Variants in URB1 observed in about 807,000 individuals in gnomAD.
URB1 encodes the protein URB1 ribosome biogenesis factor.
Under a neutral mutation model 242.3 loss-of-function variants are expected in URB1, and 197 were observed. That is an observed-to-expected ratio of 0.81 (90% CI 0.72 to 0.91). The LOEUF (loss-of-function observed/expected upper bound fraction) is 0.91. Ranked by LOEUF, URB1 falls within the 40% of genes least tolerant of loss-of-function variation. The pLI is 0.00. For synonymous variants in URB1, 1,153 were observed against 1,201.8 expected, an observed-to-expected ratio of 0.96 and a Z score of 0.84; for missense variants, 2,721 against 2,860.5, an observed-to-expected ratio of 0.95 and a Z score of 1.11.
Position 32,320,593 on chromosome 21 carries a change from A to G in URB1, c.5532T>C (p.Ser1844=). The change falls in exon 35 of 39, where the codon TCT becomes TCC. Residue 1844 remains serine, a synonymous_variant. Transcript: ENST00000382751. ...TATAGTCTCGTATGATTTCATACGC[A>G]GATCTGGCAACCTGGGCAGCATTCT... is the stretch of plus-strand genomic sequence containing the variant. The part of the protein sequence containing the change: ...ILQNAAQVAR[S]AYEIIRDYSL... 1 of 1,551,946 alleles carries G rather than the reference A, an allele frequency of 6.4e-7. No individual in the cohort carries two copies. The highest frequency in any genetic ancestry group is 8.7e-7 in the Non-Finnish European group (1 of 1,147,050).
intron 1 of URB1, among the ~76,000 whole-genome samples, chr21:32,387,018 A>T (rs948750886): frequency 6.6e-6 from 1 of 152,166 alleles, no homozygotes; most frequent in African/African-American, 2.4e-5. Flanking sequence ...TCAGTATGCC[A>T]AGCATCAGTT....
At chr21:32,346,034 C>G (rs944031527) in intron 22 of URB1, among the ~76,000 whole-genome samples, 6 of 152,118 alleles carry the variant, frequency 3.9e-5, no homozygotes, top group South Asian at 4.2e-4. Context: ...GAGGCAGGTC[C>G]CTCATGAATG....
At position 32,337,170 on chromosome 21, in the gene URB1, G is replaced by A. The variant is rs774815943; in HGVS notation, c.4622-13C>T. On this transcript the variant is annotated splice_polypyrimidine_tract_variant and intron_variant, in intron 27 of 38. Coordinates refer to ENST00000382751, the MANE Select transcript of URB1 (RefSeq NM_014825.3). ...AAAATCTTCTGATCTACAAGTCAAA[G>A]CAGGATCGGTTTAGGAAGATGAACC... 6.4e-7 allele frequency: 1 copy of A among 1,551,738 alleles called. No individual in the cohort carries two copies. The highest frequency in any genetic ancestry group is 1.2e-5 in the South Asian group (1 of 84,060).
At chr21:32,327,320 C>G (rs1278189437) in intron 30 of URB1, among the ~76,000 whole-genome samples, 1 of 152,076 alleles carries the variant, frequency 6.6e-6, no homozygotes, top group East Asian at 1.9e-4. Context: ...ACCAGAGGAG[C>G]AACTTCTTTA....
intron 30 of URB1, 29 bp from the exon 31 acceptor site, chr21:32,325,418 A>G: frequency 6.5e-7 from 1 of 1,536,676 alleles, no homozygotes; most frequent in Non-Finnish European, 8.8e-7. Flanking sequence ...AGCATGAAAC[A>G]CACACAATAT....
At chr21:32,351,322 A>T (rs895445959) in intron 19 of URB1, among the ~76,000 whole-genome samples, 7 of 152,200 alleles carry the variant, frequency 4.6e-5, no homozygotes. Context: ...GACCTTCCCC[A>T]GGAGCTGCGG....
chr21:32,333,405 C>T lies in URB1; in HGVS notation c.4872G>A (p.Leu1624=), dbSNP rs1332060833. ...CCACCCTGCTTTTGTCTTTGAATATCAGCTCCTGTGTGTCCTGAAAGAGCC... is the reference window on the plus strand; with the variant it reads ...CCACCCTGCTTTTGTCTTTGAATATTAGCTCCTGTGTGTCCTGAAAGAGCC... ...RLLPPEDTQE[L]IFKDKSRVDL... is the part of the protein sequence containing the mutation. Residue 1624 remains leucine (L), a synonymous_variant, in exon 30 of 39, where the codon CTG becomes CTA. Coordinates refer to ENST00000382751, the MANE Select transcript of URB1 (RefSeq NM_014825.3). 6.4e-7 allele frequency: 1 copy of T among 1,551,616 alleles called. No homozygotes were observed. Among genetic ancestry groups the T allele is most frequent in the Non-Finnish European group, 8.7e-7 (1 of 1,146,952 alleles).
chr21:32,333,442 A>C (rs2032919127), intron 29 of URB1, 23 bp from the exon 30 acceptor site: 1 of 1,531,264 alleles, frequency 6.5e-7, no homozygotes, highest in South Asian at 1.2e-5. Context: ...AAATCAACAA[A>C]AACGTGTGAT....
intron 32 of URB1, among the ~76,000 whole-genome samples, chr21:32,323,461 G>C (rs1365003031): frequency 6.6e-6 from 1 of 152,190 alleles, no homozygotes; most frequent in Non-Finnish European, 1.5e-5. Context: ...CTAACTTCTA[G>C]TCACACTATC....
rs77476779 is a variant in URB1, at chr21:32,354,230, C to A, written c.2246-127G>T. ...AAAGCCAAATTCCTCTTGGGGGGAG[C>A]ATTTAACATAGTTTGACCCTAAACA... On this transcript the variant is annotated intron_variant, in intron 17 of 38. Coordinates refer to ENST00000382751, the MANE Select transcript of URB1 (RefSeq NM_014825.3). 3 of 1,049,614 alleles carry A rather than the reference C, an allele frequency of 2.9e-6. 1 individual carries two copies. The highest frequency in any genetic ancestry group is 1.4e-6 in the Non-Finnish European group (1 of 736,548). The allele number at this position is 1,049,614 out of a possible 1,614,324, so 65.0% of individuals were successfully genotyped here.
chr21:32,329,277 T>C (rs1376357153), intron 30 of URB1, among the ~76,000 whole-genome samples: 1 of 152,008 alleles, frequency 6.6e-6, no homozygotes, highest in Non-Finnish European at 1.5e-5. Context: ...TAAAAAAAAA[T>C]GTGCCCCAGT....
At chr21:32,350,987 G>C (rs1258304879) in intron 19 of URB1, 65 bp from the exon 20 acceptor site, 1 of 1,467,850 alleles carries the variant, frequency 6.8e-7, no homozygotes, top group African/African-American at 1.4e-5. Context: ...AACGGTCATA[G>C]GCACAGGTAA....
intron 38 of URB1, among the ~76,000 whole-genome samples, 199 bp downstream of exon 38, chr21:32,316,267 G>A (rs2032683286): frequency 2.0e-5 from 3 of 152,212 alleles, no homozygotes; most frequent in Non-Finnish European, 4.4e-5. Flanking sequence ...CAAAGGCAAA[G>A]ACTTCCTTCC....
Position 32,368,455 on chromosome 21 carries a change from A to G in URB1, c.1145T>C (p.Phe382Ser), listed in dbSNP as rs1384020146. The change falls in exon 9 of 39, where the codon TTT becomes TCT. Residue 382 changes from phenylalanine to serine, a missense_variant. Coordinates refer to ENST00000382751, the MANE Select transcript of URB1 (RefSeq NM_014825.3). ...NKYFKEVTFSFIPRAKSTWLN... is the reference protein window; with the variant it reads ...NKYFKEVTFSSIPRAKSTWLN... ...CCAAGTAGACTTCGCTCGTGGGATA[A>G]AGGAAAACGTTACTTCCTTGAAGTA... is the stretch of plus-strand genomic sequence containing the variant. The G allele has an allele frequency of 1.9e-6, 3 of 1,551,134 alleles. No homozygotes were observed. The highest frequency in any genetic ancestry group is 2.6e-6 in the Non-Finnish European group (3 of 1,146,842).
chr21:32,372,669 G>A, intron 7 of URB1, 38 bp from the exon 8 acceptor site: 1 of 1,534,712 alleles, frequency 6.5e-7, no homozygotes, highest in Non-Finnish European at 8.8e-7. Context: ...AAAATCCCAA[G>A]CTCATACACT....
At chr21:32,377,002 G>C (rs1039489048) in intron 5 of URB1, among the ~76,000 whole-genome samples, 13 of 152,090 alleles carry the variant, frequency 8.5e-5, no homozygotes, top group African/African-American at 3.1e-4. Context: ...CTTATGACCA[G>C]TCCCCAATTT....
chr21:32,349,751 C>T (rs1462425650), intron 20 of URB1, among the ~76,000 whole-genome samples: 2 of 152,190 alleles, frequency 1.3e-5, no homozygotes, highest in Non-Finnish European at 2.9e-5. Context: ...TCCCTTGAAC[C>T]ACATCAGGAA....
In URB1 at chr21:32,319,088, A is replaced by G. The variant is rs1229883484; in HGVS notation, c.5792+129T>C. 5 of 872,176 alleles carry G rather than the reference A, an allele frequency of 5.7e-6. No homozygotes were observed. The South Asian group carries it at 5.9e-5, about 10-fold the overall frequency. 54.0% of individuals were successfully genotyped at this position (872,176 alleles called of 1,614,324 possible). A position where few individuals can be genotyped will look rare whatever the true frequency, so the allele number is the denominator to read the frequency against. ...CACCTGACACTGGTGCTCTGCCCCAATCCACAGCAGATCACGGCCCAGCGT... is the reference window on the plus strand; with the variant it reads ...CACCTGACACTGGTGCTCTGCCCCAGTCCACAGCAGATCACGGCCCAGCGT... On this transcript the variant is annotated intron_variant, in intron 36 of 38. Transcript: ENST00000382751.
chr21:32,392,720 G>T, intron 1 of URB1, 49 bp downstream of exon 1: 3 of 1,366,410 alleles, frequency 2.2e-6, no homozygotes, highest in Non-Finnish European at 2.8e-6. Context: ...CACGGAGGCC[G>T]CCTCGCCAGC....
Sources: gnomAD v4.1 joint callset for allele counts (sites outside exome capture counted in the v4.1 genomes callset) on GRCh38, gnomAD v4.1.1 for gene constraint, MANE v1.5 for transcripts, NCBI Gene and HGNC (gene_info 2026-07-23, HGNC 2026-07-21) for gene names.